SDK1: variants seen among roughly 807,000 people sequenced by gnomAD.
The protein encoded by SDK1 is protein sidekick-1.
Under a neutral mutation model 245.5 loss-of-function variants are expected in SDK1, and 157 were observed. That is an observed-to-expected ratio of 0.64 (90% CI 0.56 to 0.73). SDK1 has a LOEUF of 0.73. Ranked by LOEUF, SDK1 falls within the 30% of genes least tolerant of loss-of-function variation. The pLI, the probability that SDK1 is intolerant of heterozygous loss-of-function variation, is 0.00. For synonymous variants in SDK1, 1,647 were observed against 1,278.5 expected (o/e 1.29, Z -6.15); for missense variants, 3,583 against 3,002.3 (o/e 1.19, Z -4.52).
chr7:4,153,568 A>G (rs1002794872), intron 30 of SDK1, among the ~76,000 whole-genome samples: 10 of 152,222 alleles, frequency 6.6e-5, no homozygotes, highest in African/African-American at 2.4e-4. Context: ...CCTGGGCAAC[A>G]GAGTGAGACT....
chr7:3,626,302 G>A (rs1210328608), intron 2 of SDK1, among the ~76,000 whole-genome samples: 1 of 152,164 alleles, frequency 6.6e-6, no homozygotes, highest in Non-Finnish European at 1.5e-5. Flanking sequence ...GAACCCCTCA[G>A]TGTAACTTGT....
chr7:4,095,390 C>T (rs1390946609), intron 22 of SDK1, among the ~76,000 whole-genome samples: 6 of 152,172 alleles, frequency 3.9e-5, no homozygotes, highest in African/African-American at 1.4e-4. Context: ...GCATAGCCAA[C>T]CCATTTGGTG....
intron 1 of SDK1, among the ~76,000 whole-genome samples, chr7:3,565,560 C>T (rs975946625): frequency 1.3e-5 from 2 of 152,166 alleles, no homozygotes; most frequent in Non-Finnish European, 2.9e-5. Context: ...ATTACTAGAA[C>T]TAAAGAGTAC....
chr7:3,926,162 G>A (rs1779759260), intron 5 of SDK1, among the ~76,000 whole-genome samples: 1 of 152,166 alleles, frequency 6.6e-6, no homozygotes, highest in Admixed American at 6.5e-5. Flanking sequence ...ACAGAAGCAT[G>A]CATTCCCGTG....
At chr7:3,698,810 G>T (rs941790761) in intron 4 of SDK1, among the ~76,000 whole-genome samples, 14 of 152,260 alleles carry the variant, frequency 9.2e-5, no homozygotes, top group African/African-American at 3.1e-4. Flanking sequence ...CATCATAAGT[G>T]CCCTGTGCTC....
intron 1 of SDK1, among the ~76,000 whole-genome samples, chr7:3,613,256 C>A (rs1318329665): frequency 6.6e-6 from 1 of 152,142 alleles, no homozygotes; most frequent in African/African-American, 2.4e-5. Context: ...CAGCTGCTGC[C>A]CATGTGAATG....
chr7:4,145,980 C>T, intron 29 of SDK1, 64 bp downstream of exon 29: 1 of 1,427,806 alleles, frequency 7.0e-7, no homozygotes, highest in South Asian at 1.3e-5. Flanking sequence ...CAATCAGGCC[C>T]TCTGGGGTCT....
At chr7:3,865,417 G>T (rs774404964) in intron 5 of SDK1, among the ~76,000 whole-genome samples, 2 of 152,194 alleles carry the variant, frequency 1.3e-5, no homozygotes, top group Non-Finnish European at 1.5e-5. Context: ...CATGTGACAC[G>T]CCATTTACAA....
intron 5 of SDK1, among the ~76,000 whole-genome samples, chr7:3,825,925 C>G (rs1490024008): frequency 6.6e-6 from 1 of 152,230 alleles, no homozygotes; most frequent in Non-Finnish European, 1.5e-5. Flanking sequence ...AATCTGGGGC[C>G]TAGCCCCACA....
At chr7:3,562,687 T>C (rs949368112) in intron 1 of SDK1, among the ~76,000 whole-genome samples, 1 of 152,210 alleles carries the variant, frequency 6.6e-6, no homozygotes, top group African/African-American at 2.4e-5. Flanking sequence ...TTTTTAAGTG[T>C]ACTGTTTGGT....
intron 5 of SDK1, among the ~76,000 whole-genome samples, chr7:3,930,779 T>A (rs1779949085): frequency 6.6e-6 from 1 of 151,788 alleles, no homozygotes; most frequent in Non-Finnish European, 1.5e-5. Flanking sequence ...GGTGACAGAG[T>A]GACACTCTGT....
chr7:3,620,344 C>T lies in SDK1; in HGVS notation c.458+1105C>T, dbSNP rs569832209. On this transcript the variant is annotated intron_variant, in intron 2 of 44. Coordinates refer to ENST00000404826, the MANE Select transcript of SDK1 (RefSeq NM_152744.4). Reference sequence around the variant, plus strand: ...TGAGACGGAGTTTCACTCTTGTTGCCCAGGCTGGAGTGCAGTGGCGCGATC... The same window carrying T: ...TGAGACGGAGTTTCACTCTTGTTGCTCAGGCTGGAGTGCAGTGGCGCGATC... Among the ~76,000 whole-genome samples the T allele has an allele frequency of 1.3e-4, 20 of 151,828 alleles. No individual in the cohort carries two copies. In the East Asian group the frequency reaches 3.7e-3, roughly 28 times the overall value.
intron 1 of SDK1, among the ~76,000 whole-genome samples, chr7:3,611,132 G>A (rs559529297): frequency 2.6e-5 from 4 of 152,146 alleles, no homozygotes; most frequent in Non-Finnish European, 4.4e-5. Context: ...GAGAAGTTGG[G>A]TGGGTAATTT....
intron 1 of SDK1, among the ~76,000 whole-genome samples, chr7:3,361,493 C>T (rs559421799): frequency 1.5e-4 from 23 of 152,306 alleles, no homozygotes; most frequent in African/African-American, 4.8e-4. Flanking sequence ...TCTTTCTACT[C>T]TCTCACCTTC....
intron 20 of SDK1, among the ~76,000 whole-genome samples, chr7:4,071,441 T>C (rs1487556108): frequency 6.6e-6 from 1 of 152,224 alleles, no homozygotes; most frequent in African/African-American, 2.4e-5. Flanking sequence ...GGGAAGTCAC[T>C]ACTAGAATTG....
chr7:3,350,067 G>C (rs117337026), intron 1 of SDK1, among the ~76,000 whole-genome samples: 1 of 152,154 alleles, frequency 6.6e-6, no homozygotes, highest in South Asian at 2.1e-4. Context: ...AATAACAAAA[G>C]GTCATGCTAT....
At chr7:3,465,541 C>T (rs950669885) in intron 1 of SDK1, among the ~76,000 whole-genome samples, 1 of 152,152 alleles carries the variant, frequency 6.6e-6, no homozygotes, top group African/African-American at 2.4e-5. Context: ...CCTTGAATGG[C>T]TTTGCACTGC....
At chr7:3,473,920 G>GT (rs1781261617) in intron 1 of SDK1, among the ~76,000 whole-genome samples, 1 of 151,904 alleles carries the variant, frequency 6.6e-6, no homozygotes, top group Non-Finnish European at 1.5e-5. Flanking sequence ...TGGAAGGAAT[G>GT]TGGACTTTGG....
chr7:3,895,074 T>C (rs929543051), intron 5 of SDK1, among the ~76,000 whole-genome samples: 5 of 152,188 alleles, frequency 3.3e-5, no homozygotes, highest in Non-Finnish European at 5.9e-5. Flanking sequence ...TTTTACTCAA[T>C]ATGGTAAAAG....
Sources: allele counts gnomAD v4.1 joint callset (sites outside exome capture counted in the v4.1 genomes callset), GRCh38; gene constraint gnomAD v4.1.1; transcripts MANE v1.5; gene names NCBI Gene and HGNC (gene_info 2026-07-23, HGNC 2026-07-21).